LYPLAL1: variants seen among roughly 807,000 people sequenced by gnomAD.
LYPLAL1 encodes lysophospholipase-like protein 1.
Under a neutral mutation model 19.7 loss-of-function variants are expected in LYPLAL1, and 23 were observed. That is an observed-to-expected ratio of 1.17 (90% confidence interval 0.84 to 1.65). LYPLAL1 has a LOEUF of 1.65. Ranked by LOEUF, LYPLAL1 falls within the 40% of genes most tolerant of loss-of-function variation. LYPLAL1 has a pLI of 0.00. For synonymous variants in LYPLAL1, 119 were observed against 96.3 expected (o/e 1.24, Z -1.38); for missense variants, 355 against 279.4 (o/e 1.27, Z -1.93).
chr1:219,355,854 A>G, the LYPLAL1 span, among the ~76,000 whole-genome samples: 378 of 152,328 alleles, frequency 2.5e-3, 3 homozygotes, highest in African/African-American at 7.6e-3. Flanking sequence ...GCTAAACTAC[A>G]TACTTCTAAA....
At chr1:219,382,787 T>C in the LYPLAL1 span, among the ~76,000 whole-genome samples, 3 of 152,122 alleles carry the variant, frequency 2.0e-5, no homozygotes, top group Admixed American at 6.5e-5. Flanking sequence ...TTTTAAAACA[T>C]GATTTTTATA....
the LYPLAL1 span, among the ~76,000 whole-genome samples, chr1:219,378,324 G>A: frequency 4.7e-3 from 720 of 152,166 alleles, 5 homozygotes; most frequent in Middle Eastern, 0.014. Context: ...TCTTCACATG[G>A]TGGCATCAAG....
the LYPLAL1 span, among the ~76,000 whole-genome samples, chr1:219,241,164 A>ATATGTTT: frequency 9.1e-6 from 1 of 109,412 alleles, no homozygotes; most frequent in Admixed American, 9.3e-5. Context: ...ATATATATGG[A>ATATGTTT]TTTTTCATGA....
At chr1:219,414,390 AT>A in the LYPLAL1 span, among the ~76,000 whole-genome samples, 1 of 152,202 alleles carries the variant, frequency 6.6e-6, no homozygotes, top group Non-Finnish European at 1.5e-5. Flanking sequence ...CTGGCACTCA[AT>A]GGAGCCTCAG....
intron 3 of LYPLAL1, among the ~76,000 whole-genome samples, chr1:219,194,741 A>G (rs974307287): frequency 6.6e-6 from 1 of 152,112 alleles, no homozygotes; most frequent in Non-Finnish European, 1.5e-5. Flanking sequence ...ATTGAGAGGA[A>G]GAAGTAGTCA....
the LYPLAL1 span, among the ~76,000 whole-genome samples, chr1:219,427,776 A>G: frequency 6.6e-6 from 1 of 152,184 alleles, no homozygotes; most frequent in African/African-American, 2.4e-5. Context: ...TTCCATTTAA[A>G]TTGTAGTTTA....
At chr1:219,387,901 G>T in the LYPLAL1 span, among the ~76,000 whole-genome samples, 1 of 152,156 alleles carries the variant, frequency 6.6e-6, no homozygotes, top group African/African-American at 2.4e-5. Context: ...GTTGAAAAAT[G>T]ACCTAGATTC....
chr1:219,347,164 T>C, the LYPLAL1 span, among the ~76,000 whole-genome samples: 1 of 152,216 alleles, frequency 6.6e-6, no homozygotes, highest in Non-Finnish European at 1.5e-5. Context: ...CTTGATTTTT[T>C]ACCTTATTAC....
the LYPLAL1 span, among the ~76,000 whole-genome samples, chr1:219,239,754 T>C: frequency 6.6e-6 from 1 of 152,232 alleles, no homozygotes; most frequent in African/African-American, 2.4e-5. Flanking sequence ...CATCACAATA[T>C]TTTAACTCTC....
At chr1:219,278,452 C>T in the LYPLAL1 span, among the ~76,000 whole-genome samples, 7 of 152,102 alleles carry the variant, frequency 4.6e-5, no homozygotes, top group African/African-American at 7.2e-5. Context: ...AATGTATGTC[C>T]GGTTGTCTGG....
At chr1:219,287,243 G>A in the LYPLAL1 span, among the ~76,000 whole-genome samples, 1 of 152,098 alleles carries the variant, frequency 6.6e-6, no homozygotes, top group Non-Finnish European at 1.5e-5. Context: ...TCTTAGTCCC[G>A]CCAATACGTA....
chr1:219,402,643 CA>C, the LYPLAL1 span, among the ~76,000 whole-genome samples: 469 of 101,598 alleles, frequency 4.6e-3, 1 homozygote, highest in Middle Eastern at 5.6e-3. Context: ...TACCAGAAAC[CA>C]AAAAAAAAAA....
intron 2 of LYPLAL1, among the ~76,000 whole-genome samples, chr1:219,179,665 C>T (rs546903618): frequency 6.6e-6 from 1 of 152,230 alleles, no homozygotes; most frequent in African/African-American, 2.4e-5. Context: ...GCATTCTTTC[C>T]ACATTTAAAA....
chr1:219,237,375 G>T, the LYPLAL1 span, among the ~76,000 whole-genome samples: 1 of 152,168 alleles, frequency 6.6e-6, no homozygotes, highest in Non-Finnish European at 1.5e-5. Context: ...TCTTAACAAA[G>T]ACTCAGACTC....
the LYPLAL1 span, among the ~76,000 whole-genome samples, chr1:219,249,739 T>C: frequency 6.6e-6 from 1 of 152,040 alleles, no homozygotes; most frequent in Non-Finnish European, 1.5e-5. Flanking sequence ...ACTTGTTGTT[T>C]TGCTTTAGTG....
chr1:219,286,764 C>T, the LYPLAL1 span, among the ~76,000 whole-genome samples: 1 of 152,238 alleles, frequency 6.6e-6, no homozygotes, highest in Non-Finnish European at 1.5e-5. Context: ...CAAAAACAGC[C>T]TTTGGCTTTT....
chr1:219,324,567 TG>T, the LYPLAL1 span, among the ~76,000 whole-genome samples: 3 of 152,188 alleles, frequency 2.0e-5, no homozygotes, highest in African/African-American at 7.2e-5. Context: ...AGCCATCTCC[TG>T]GAGTTACATA....
chr1:219,198,981 T>G (rs888234860), intron 3 of LYPLAL1, among the ~76,000 whole-genome samples: 16 of 151,740 alleles, frequency 1.1e-4, no homozygotes, highest in Non-Finnish European at 4.4e-5. Context: ...TATATCATAA[T>G]ATATGTGGCA....
chr1:219,348,043 C>G, the LYPLAL1 span, among the ~76,000 whole-genome samples: 2 of 152,144 alleles, frequency 1.3e-5, no homozygotes, highest in Non-Finnish European at 2.9e-5. Flanking sequence ...GACTTTGTAG[C>G]AAATATGTGC....
Sources: allele counts gnomAD v4.1 joint callset (sites outside exome capture counted in the v4.1 genomes callset), GRCh38; gene constraint gnomAD v4.1.1; transcripts MANE v1.5; gene names NCBI Gene and HGNC (gene_info 2026-07-23, HGNC 2026-07-21).